The following GALNT5 variants were observed in gnomAD, a reference collection of about 807,000 sequenced individuals.
GALNT5 encodes the protein UDP-GalNAc:polypeptide N-acetylgalactosaminyltransferase 5.
A neutral mutation model predicts 85.4 loss-of-function variants in GALNT5; 72 were observed. That is an observed-to-expected ratio of 0.84 (90% CI 0.70 to 1.03). The LOEUF (loss-of-function observed/expected upper bound fraction) is 1.03. Ranked by LOEUF, GALNT5 falls within the 50% of genes least tolerant of loss-of-function variation. The pLI is 0.00. For missense variants in GALNT5, 1,137 were observed against 1,135.5 expected, an observed-to-expected ratio of 1.00 and a Z score of -0.02; for synonymous variants, 404 against 397.0, an observed-to-expected ratio of 1.02 and a Z score of -0.21.
chr2:157,271,870 G>A (rs915169085), intron 1 of GALNT5, among the ~76,000 whole-genome samples: 1 of 152,164 alleles, frequency 6.6e-6, no homozygotes, highest in Admixed American at 6.5e-5. Flanking sequence ...TTAAAACTGT[G>A]AGCATGATGG....
At chr2:157,269,790 T>TTCTCTTCC (rs1682541081) in intron 1 of GALNT5, among the ~76,000 whole-genome samples, 1 of 152,144 alleles carries the variant, frequency 6.6e-6, no homozygotes, top group Admixed American at 6.5e-5. Flanking sequence ...GAAGAGTCAT[T>TTCTCTTCC]TGCATGAGCC....
At chr2:157,309,307 G>A (rs1185032640) in intron 9 of GALNT5, among the ~76,000 whole-genome samples, 2 of 152,096 alleles carry the variant, frequency 1.3e-5, no homozygotes, top group East Asian at 3.9e-4. Flanking sequence ...GCTGGAAACT[G>A]GCCATATTGG....
intron 8 of GALNT5, 126 bp downstream of exon 8, chr2:157,305,955 A>C (rs976287732): frequency 3.2e-6 from 2 of 619,464 alleles, no homozygotes; most frequent in South Asian, 4.1e-5. Flanking sequence ...TTGTAAAAAG[A>C]GAGTCCACCA....
rs562305914 is a variant in GALNT5, at chr2:157,267,545, G to A, written c.1454+8009G>A. 5.3e-5 allele frequency among the ~76,000 whole-genome samples: 8 copies of A among 152,242 alleles called. No homozygotes were observed. In the East Asian group the frequency reaches 1.5e-3, roughly 29 times the overall value. On this transcript the variant is annotated intron_variant, in intron 1 of 9. Coordinates refer to ENST00000259056, the MANE Select transcript of GALNT5 (RefSeq NM_014568.3). The stretch of plus-strand genomic sequence containing the variant: ...CCAGGAGAAAAATGACTTGCCCAAG[G>A]TCATACACAGCAGGAAAGACAGAAC...
At chr2:157,276,711 CTCTTT>C (rs1488320254) in intron 1 of GALNT5, among the ~76,000 whole-genome samples, 1 of 152,040 alleles carries the variant, frequency 6.6e-6, no homozygotes, top group African/African-American at 2.4e-5. Flanking sequence ...TGATTCTTCT[CTCTTT>C]TCTTATTAGT....
rs144578388 is a variant in GALNT5, at chr2:157,313,479, G to C, written c.*2131G>C. ...ATTCTTTTCAAAACAGAGCCATATG[G>C]GGCAAGGGGGATGGGGGGACGCAAG... On this transcript the variant is annotated 3_prime_UTR_variant, in exon 10 of 10. Transcript: ENST00000259056. 600 of 152,274 alleles carry C rather than the reference G, an allele frequency of 3.9e-3. 6 individuals are homozygous for C. Among genetic ancestry groups the C allele is most frequent in the South Asian group, 6.2e-3 (30 of 4,828 alleles). The allele number at this position is 152,274 out of a possible 1,614,324, so 9.4% of individuals were successfully genotyped here. A position where few individuals can be genotyped will look rare whatever the true frequency, so the allele number is the denominator to read the frequency against.
chr2:157,308,730 T>C lies in GALNT5; in HGVS notation c.2682+2T>C, dbSNP rs1683507207. 1 of 1,606,938 alleles carries C rather than the reference T, an allele frequency of 6.2e-7. No individual in the cohort carries two copies. Reference sequence around the variant, plus strand: ...ACATCAGTCTTTCATCCAGAACTGGTAAGCAAAAGATTGGTACCTCTTCTT... The same window carrying C: ...ACATCAGTCTTTCATCCAGAACTGGCAAGCAAAAGATTGGTACCTCTTCTT... On this transcript the variant is annotated splice_donor_variant, in intron 9 of 9. Coordinates refer to ENST00000259056, the MANE Select transcript of GALNT5 (RefSeq NM_014568.3). LOFTEE classifies it high-confidence loss of function.
rs905466169 is a variant in GALNT5, at chr2:157,318,086, C to T, written c.*6738C>T. ...GTTCAAGTTTTAAGAGAAGTGGTTG[C>T]CTTTCTCATACTGTCAAACATATTT... On this transcript the variant is annotated 3_prime_UTR_variant, in exon 10 of 10. Coordinates refer to ENST00000259056, the MANE Select transcript of GALNT5 (RefSeq NM_014568.3). Among the ~76,000 whole-genome samples the T allele has an allele frequency of 6.6e-6, 1 of 152,002 alleles. No homozygotes were observed. Among genetic ancestry groups the T allele is most frequent in the African/African-American group, 2.4e-5 (1 of 41,384 alleles).
intron 1 of GALNT5, among the ~76,000 whole-genome samples, chr2:157,275,241 A>G (rs765388775): frequency 1.3e-5 from 2 of 152,114 alleles, no homozygotes; most frequent in Admixed American, 6.5e-5. Flanking sequence ...GCCTTGTAGT[A>G]TAGTTTGAAG....
intron 5 of GALNT5, 45 bp from the exon 6 acceptor site, chr2:157,299,503 C>T: frequency 8.8e-7 from 1 of 1,136,548 alleles, no homozygotes; most frequent in Non-Finnish European, 1.3e-6. Context: ...AAAAGTCGAG[C>T]TTTCATGAGA....
chr2:157,276,673 C>A (rs537439200), intron 1 of GALNT5, among the ~76,000 whole-genome samples: 36 of 152,050 alleles, frequency 2.4e-4, no homozygotes, highest in African/African-American at 8.0e-4. Flanking sequence ...TGATGATATC[C>A]CCTTTATCAT....
At chr2:157,266,022 G>A (rs184648419) in intron 1 of GALNT5, among the ~76,000 whole-genome samples, 1 of 152,302 alleles carries the variant, frequency 6.6e-6, no homozygotes, top group Admixed American at 6.5e-5. Flanking sequence ...CATCATCCCA[G>A]CTTTACCTAT....
chr2:157,307,178 G>A (rs1053591036), intron 8 of GALNT5, among the ~76,000 whole-genome samples: 4 of 152,108 alleles, frequency 2.6e-5, no homozygotes, highest in African/African-American at 9.7e-5. Context: ...CAAAGCCCCA[G>A]CTCCCTTTTA....
intron 1 of GALNT5, among the ~76,000 whole-genome samples, chr2:157,270,479 C>A (rs1682558692): frequency 6.6e-6 from 1 of 152,210 alleles, no homozygotes; most frequent in Admixed American, 6.5e-5. Context: ...GATAACCCTT[C>A]CTCCAGTATG....
intron 1 of GALNT5, among the ~76,000 whole-genome samples, chr2:157,276,610 A>G (rs1574018006): frequency 6.6e-6 from 1 of 152,046 alleles, no homozygotes; most frequent in African/African-American, 2.4e-5. Context: ...GTTTATTTGC[A>G]TAGAGGTGTT....
intron 3 of GALNT5, among the ~76,000 whole-genome samples, chr2:157,289,804 G>A (rs1043753119): frequency 6.6e-6 from 1 of 151,980 alleles, no homozygotes; most frequent in Non-Finnish European, 1.5e-5. Context: ...CTGGGTGGTG[G>A]CTCACTCCTG....
chr2:157,308,561 C>T lies in GALNT5; in HGVS notation c.2521-6C>T, dbSNP rs746062298. On this transcript the variant is annotated splice_polypyrimidine_tract_variant and splice_region_variant and intron_variant, in intron 8 of 9. Coordinates refer to ENST00000259056, the MANE Select transcript of GALNT5 (RefSeq NM_014568.3). ...GAAGTGACCTCTTTATTCATTTCCC[C>T]CACAGCTTCAACAATTTAATTACAC... 5.6e-6 allele frequency: 9 copies of T among 1,599,970 alleles called. No homozygotes were observed. Among genetic ancestry groups the T allele is most frequent in the Non-Finnish European group, 7.7e-6 (9 of 1,175,778 alleles).
chr2:157,286,806 G>A (rs1050231757), intron 3 of GALNT5, among the ~76,000 whole-genome samples: 3 of 151,876 alleles, frequency 2.0e-5, no homozygotes, highest in Non-Finnish European at 4.4e-5. Flanking sequence ...TTAAATTCGG[G>A]AACTAATTAA....
rs1408068989 is a variant in GALNT5, at chr2:157,308,631, T to A, written c.2585T>A (p.Ile862Asn). Reference sequence around the variant, plus strand: ...TGTGGAGAATGGTGTATAGCCCCCATCCCTGATAAAGGAGCCGTAAGGCTG... The same window carrying A: ...TGTGGAGAATGGTGTATAGCCCCCAACCCTGATAAAGGAGCCGTAAGGCTG... ...IKCGEWCIAP[I>N]PDKGAVRLHP... The change falls in exon 9 of 10, where the codon ATC (isoleucine) becomes AAC (asparagine). Residue 862 changes from isoleucine to asparagine, a missense_variant. Physicochemically the swap from Ile to Asn is moderately radical, Grantham distance 149 (BLOSUM62 -3). Coordinates refer to ENST00000259056, the MANE Select transcript of GALNT5 (RefSeq NM_014568.3). 1 of 1,613,564 alleles carries A rather than the reference T, an allele frequency of 6.2e-7. No individual in the cohort carries two copies. Among genetic ancestry groups the A allele is most frequent in the Admixed American group, 1.7e-5 (1 of 60,004 alleles).
Sources: gnomAD v4.1 joint callset for allele counts (sites outside exome capture counted in the v4.1 genomes callset) on GRCh38, gnomAD v4.1.1 for gene constraint, MANE v1.5 for transcripts, NCBI Gene and HGNC (gene_info 2026-07-23, HGNC 2026-07-21) for gene names.